The following RBFOX1 variants were observed in gnomAD, a reference collection of about 807,000 sequenced individuals.
The protein encoded by RBFOX1 is RNA binding fox-1 homolog 1, also known as RNA binding protein fox-1 homolog 1.
In RBFOX1, 8 loss-of-function variants were observed where a neutral mutation model predicts 57.7. That is an observed-to-expected ratio of 0.14 (90% CI 0.08 to 0.25). The LOEUF (loss-of-function observed/expected upper bound fraction) is 0.25. Ranked by LOEUF, RBFOX1 falls within the 10% of genes least tolerant of loss-of-function variation. The probability of loss-of-function intolerance (pLI) is 1.00; values close to 1 mark genes in which losing one functional copy is unlikely to be tolerated. For synonymous variants in RBFOX1, 326 were observed against 222.4 expected, an observed-to-expected ratio of 1.47 and a Z score of -4.15; for missense variants, 611 against 548.5, an observed-to-expected ratio of 1.11 and a Z score of -1.14.
At chr16:5,510,371 T>G (rs972332151) in intron 2 of RBFOX1, among the ~76,000 whole-genome samples, 6 of 152,178 alleles carry the variant, frequency 3.9e-5, no homozygotes, top group Admixed American at 6.5e-5. Flanking sequence ...CTCTGCTTCT[T>G]GTGTCTCTCA....
chr16:6,952,206 A>G (rs1031658753), intron 3 of RBFOX1, among the ~76,000 whole-genome samples: 1 of 152,196 alleles, frequency 6.6e-6, no homozygotes, highest in East Asian at 1.9e-4. Context: ...CACTGCTATC[A>G]CTGAGATGAA....
intron 4 of RBFOX1, among the ~76,000 whole-genome samples, chr16:7,181,647 C>T (rs2082734347): frequency 6.6e-6 from 1 of 152,066 alleles, no homozygotes; most frequent in Non-Finnish European, 1.5e-5. Flanking sequence ...ACTGCAACCT[C>T]TGCCTCCCAG....
chr16:6,815,756 G>C (rs945964655), intron 3 of RBFOX1, among the ~76,000 whole-genome samples: 4 of 152,162 alleles, frequency 2.6e-5, no homozygotes, highest in African/African-American at 9.7e-5. Flanking sequence ...AAAGTCTATA[G>C]TTTGCAGCCA....
intron 1 of RBFOX1, among the ~76,000 whole-genome samples, chr16:6,121,462 C>A (rs2096548639): frequency 6.6e-6 from 1 of 152,210 alleles, no homozygotes; most frequent in South Asian, 2.1e-4. Context: ...CTCTTCATCT[C>A]AGGCCACTGC....
chr16:6,310,314 G>T (rs955413031), intron 1 of RBFOX1, among the ~76,000 whole-genome samples: 2 of 152,210 alleles, frequency 1.3e-5, no homozygotes, highest in East Asian at 3.9e-4. Flanking sequence ...CACTTACTAC[G>T]TGGCAGGTGC....
chr16:5,533,447 G>C (rs1197546036), intron 2 of RBFOX1, among the ~76,000 whole-genome samples: 1 of 152,170 alleles, frequency 6.6e-6, no homozygotes, highest in African/African-American at 2.4e-5. Context: ...GGCACACTGA[G>C]AGGGGTTTCT....
At chr16:7,175,575 G>A (rs1417897339) in intron 4 of RBFOX1, among the ~76,000 whole-genome samples, 2 of 152,096 alleles carry the variant, frequency 1.3e-5, no homozygotes, top group African/African-American at 4.8e-5. Context: ...ATAGGCAAAG[G>A]ATCCCATTTG....
chr16:7,709,750 AGGGGGTG>A, intron 15 of RBFOX1: 4 of 71,652 alleles, frequency 5.6e-5, no homozygotes, highest in Non-Finnish European at 7.3e-5. Context: ...TTGTTTTGGG[AGGGGGTG>A]GGGGGAGGGT....
chr16:7,042,619 A>G lies in RBFOX1; in HGVS notation c.-15-9438A>G, dbSNP rs1005158841. 2.6e-4 allele frequency among the ~76,000 whole-genome samples: 40 copies of G among 152,224 alleles called. 1 individual carries two copies. Among genetic ancestry groups the G allele is most frequent in the Admixed American group, 2.1e-3 (32 of 15,280 alleles). ...ACATTTTAACGAATGTTAGTGTGCA[A>G]TTTATTTCAGCAAAAAGTGATTAAG... On this transcript the variant is annotated intron_variant, in intron 3 of 15. Coordinates refer to ENST00000550418, the MANE Select transcript of RBFOX1 (RefSeq NM_018723.4).
intron 1 of RBFOX1, among the ~76,000 whole-genome samples, chr16:6,253,563 C>G (rs1378783319): frequency 6.6e-6 from 1 of 151,788 alleles, no homozygotes; most frequent in Non-Finnish European, 1.5e-5. Context: ...CTTTTGTTTT[C>G]CAATCAAAGC....
At chr16:6,959,691 C>G (rs1047198883) in intron 3 of RBFOX1, among the ~76,000 whole-genome samples, 1 of 152,068 alleles carries the variant, frequency 6.6e-6, no homozygotes, top group Non-Finnish European at 1.5e-5. Context: ...AATCTCTAAA[C>G]TTGGGGAGGC....
Position 7,000,112 on chromosome 16 carries a change from C to T in RBFOX1, c.-15-51945C>T, listed in dbSNP as rs1227983772. 2.7e-5 allele frequency among the ~76,000 whole-genome samples: 4 copies of T among 148,470 alleles called. No homozygotes were observed. In the Admixed American group the frequency reaches 2.7e-4, roughly 10 times the overall value. ...AAGATTATTTAAGTAGGTGTCCAAA[C>T]ATCATATTATTTTTAAAGTTTTCAG... On this transcript the variant is annotated intron_variant, in intron 3 of 15. Coordinates refer to ENST00000550418, the MANE Select transcript of RBFOX1 (RefSeq NM_018723.4).
intron 3 of RBFOX1, among the ~76,000 whole-genome samples, chr16:6,903,765 C>G (rs981176952): frequency 6.6e-6 from 1 of 152,248 alleles, no homozygotes; most frequent in Admixed American, 6.5e-5. Flanking sequence ...AGGCAGAGGG[C>G]TGAGGGCCTT....
chr16:7,416,495 C>G (rs1401599192), intron 4 of RBFOX1, among the ~76,000 whole-genome samples: 1 of 152,116 alleles, frequency 6.6e-6, no homozygotes, highest in Non-Finnish European at 1.5e-5. Context: ...ACATGGTGTG[C>G]TGGGAGGGGG....
At chr16:5,935,030 C>T (rs2059140039) in intron 4 of RBFOX1, among the ~76,000 whole-genome samples, 1 of 152,178 alleles carries the variant, frequency 6.6e-6, no homozygotes, top group African/African-American at 2.4e-5. Flanking sequence ...CTTTGGGCCA[C>T]ATGATTAAAC....
At chr16:5,955,392 A>G (rs1248222101) in intron 4 of RBFOX1, among the ~76,000 whole-genome samples, 1 of 74,072 alleles carries the variant, frequency 1.4e-5, no homozygotes, top group Non-Finnish European at 3.0e-5. Context: ...AAAATAAAAT[A>G]AAATAAAATA....
chr16:6,888,404 A>G (rs968986698), intron 3 of RBFOX1, among the ~76,000 whole-genome samples: 1 of 152,152 alleles, frequency 6.6e-6, no homozygotes, highest in African/African-American at 2.4e-5. Flanking sequence ...GAAAGAGCTT[A>G]CTGATGTCAA....
chr16:6,052,063 C>T (rs754677430), intron 1 of RBFOX1, among the ~76,000 whole-genome samples: 24 of 152,156 alleles, frequency 1.6e-4, no homozygotes, highest in Non-Finnish European at 2.8e-4. Context: ...AAAAACAAAA[C>T]AGAACAGGAA....
intron 3 of RBFOX1, among the ~76,000 whole-genome samples, chr16:6,987,488 CACACACACACACACACAGAG>C (rs1158100278): frequency 8.0e-6 from 1 of 124,976 alleles, no homozygotes; most frequent in Non-Finnish European, 1.5e-5. Context: ...CACACACACA[CACACACACACACACACAGAG>C]GCATGCCCCA....
Sources: gnomAD v4.1 joint callset for allele counts (sites outside exome capture counted in the v4.1 genomes callset) on GRCh38, gnomAD v4.1.1 for gene constraint, MANE v1.5 for transcripts, NCBI Gene and HGNC (gene_info 2026-07-23, HGNC 2026-07-21) for gene names.